ZNF169: variants seen among roughly 807,000 people sequenced by gnomAD.
ZNF169 encodes zinc finger protein 169.
A neutral mutation model predicts 12.0 loss-of-function variants in ZNF169; 11 were observed. The observed-to-expected ratio is 0.92, with a 90% CI of 0.58 to 1.52. ZNF169 has a LOEUF of 1.52. ZNF169 is among the 40% of genes most tolerant of loss of function. The pLI, the probability that ZNF169 is intolerant of heterozygous loss-of-function variation, is 0.00. For synonymous variants in ZNF169, 302 were observed against 286.5 expected, an observed-to-expected ratio of 1.05 and a Z score of -0.55; for missense variants, 722 against 744.0, an observed-to-expected ratio of 0.97 and a Z score of 0.34.
chr9:94,293,034 G>A lies in ZNF169; in HGVS notation c.221G>A (p.Arg74Lys). The change falls in exon 4 of 5, where the codon AGA becomes AAA. Residue 74 changes from arginine (R) to lysine (K), a missense_variant. Physicochemically the swap from Arg to Lys is conservative, Grantham distance 26. Coordinates refer to ENST00000395395, the MANE Select transcript of ZNF169 (RefSeq NM_194320.4). The part of the protein sequence containing the change: ...EQLEQGDEPW[R>K]EENEHLLDLC... ...CTGGAGCAAGGCGACGAACCTTGGA[G>A]AGAGGAGAACGAACATCTTCTGGAC... The A allele has an allele frequency of 6.2e-7, 1 of 1,613,658 alleles. No individual in the cohort carries two copies. Among genetic ancestry groups the A allele is most frequent in the Non-Finnish European group, 8.5e-7 (1 of 1,179,826 alleles).
intron 4 of ZNF169, 88 bp downstream of exon 4, chr9:94,293,157 G>A (rs988568734): frequency 8.1e-7 from 1 of 1,229,502 alleles, no homozygotes; most frequent in Non-Finnish European, 1.2e-6. Context: ...GAGGTGCTAG[G>A]AGGAAGTTCT....
intron 2 of ZNF169, among the ~76,000 whole-genome samples, chr9:94,282,678 C>T (rs991269241): frequency 6.6e-6 from 1 of 152,050 alleles, no homozygotes; most frequent in African/African-American, 2.4e-5. Flanking sequence ...ATTTATTTTC[C>T]TTTCATAACC....
intron 1 of ZNF169, among the ~76,000 whole-genome samples, chr9:94,276,155 T>C (rs914807633): frequency 6.6e-6 from 1 of 152,216 alleles, no homozygotes; most frequent in South Asian, 2.1e-4. Context: ...CTAAACTTAA[T>C]ACAATTTATA....
At chr9:94,260,002 G>T (rs1180991959) in intron 1 of ZNF169, among the ~76,000 whole-genome samples, 1 of 152,024 alleles carries the variant, frequency 6.6e-6, no homozygotes, top group Admixed American at 6.5e-5. Flanking sequence ...CACCCCAGCC[G>T]CCGGGTTCAA....
intron 1 of ZNF169, among the ~76,000 whole-genome samples, chr9:94,266,398 G>C (rs1276704055): frequency 6.6e-6 from 1 of 152,160 alleles, no homozygotes; most frequent in Non-Finnish European, 1.5e-5. Flanking sequence ...CGTTGTTACG[G>C]AGCATCGAAC....
intron 1 of ZNF169, among the ~76,000 whole-genome samples, chr9:94,266,344 T>G (rs1374693157): frequency 6.6e-6 from 1 of 152,186 alleles, no homozygotes; most frequent in Non-Finnish European, 1.5e-5. Context: ...TGTAGGGAGA[T>G]GGGGCATTAT....
intron 1 of ZNF169, among the ~76,000 whole-genome samples, chr9:94,274,646 A>G (rs886682745): frequency 7.2e-5 from 11 of 152,156 alleles, no homozygotes; most frequent in African/African-American, 2.7e-4. Flanking sequence ...AGCGTAACCT[A>G]GTCTACCTTA....
intron 3 of ZNF169, 169 bp downstream of exon 3, chr9:94,292,636 TGTGTGC>T (rs2118643446): frequency 4.8e-6 from 4 of 825,886 alleles, no homozygotes; most frequent in South Asian, 1.8e-5. Context: ...TGTGTGTGTG[TGTGTGC>T]GCGTGCACAT....
intron 2 of ZNF169, among the ~76,000 whole-genome samples, chr9:94,283,188 A>G (rs1204343249): frequency 6.6e-6 from 1 of 152,096 alleles, no homozygotes; most frequent in Admixed American, 6.6e-5. Context: ...AGGCGGGCGG[A>G]TCATGAGGTC....
chr9:94,267,443 C>G (rs754470752), intron 1 of ZNF169, among the ~76,000 whole-genome samples: 12 of 152,172 alleles, frequency 7.9e-5, no homozygotes, highest in Non-Finnish European at 1.8e-4. Flanking sequence ...CAAAAGAAAA[C>G]AGATTCTTAT....
chr9:94,300,667 G>A lies in ZNF169; in HGVS notation c.1109G>A (p.Gly370Glu), dbSNP rs138071298. Residue 370 changes from glycine to glutamate, a missense_variant, in exon 5 of 5, where the codon GGG becomes GAG. Physicochemically the swap from Gly to Glu is moderately conservative, Grantham distance 98 (BLOSUM62 -2). Coordinates refer to ENST00000395395, the MANE Select transcript of ZNF169 (RefSeq NM_194320.4). Reference protein sequence around the residue: ...SLLQHQSSHTGERPFLCLECG... With the variant: ...SLLQHQSSHTEERPFLCLECG... ...CTCCAGCACCAGAGCTCACACACAG[G>A]GGAGAGGCCCTTCCTGTGCCTTGAG... The A allele has an allele frequency of 1.9e-6, 3 of 1,614,042 alleles. No homozygotes were observed. The African/African-American group carries it at 4.0e-5, about 22-fold the overall frequency.
intron 1 of ZNF169, among the ~76,000 whole-genome samples, chr9:94,273,961 A>G (rs1018667928): frequency 2.0e-5 from 3 of 152,144 alleles, no homozygotes; most frequent in Non-Finnish European, 4.4e-5. Context: ...AGTACCACAC[A>G]ATGGGTGGCT....
Position 94,292,960 on chromosome 9 carries a change from T to C in ZNF169, c.161-14T>C, listed in dbSNP as rs1830875734. ...TAACTCAAGATCACCTTGGTTTTTTTTTCCTGTGAGTAGGAATTGCATTTT... is the reference window on the plus strand; with the variant it reads ...TAACTCAAGATCACCTTGGTTTTTTCTTCCTGTGAGTAGGAATTGCATTTT... On this transcript the variant is annotated splice_polypyrimidine_tract_variant and intron_variant, in intron 3 of 4. Transcript: ENST00000395395. 6.2e-7 allele frequency: 1 copy of C among 1,600,614 alleles called. No homozygotes were observed. Among genetic ancestry groups the C allele is most frequent in the East Asian group, 2.2e-5 (1 of 44,682 alleles).
intron 2 of ZNF169, among the ~76,000 whole-genome samples, chr9:94,282,375 T>C (rs909848137): frequency 6.6e-6 from 1 of 152,164 alleles, no homozygotes; most frequent in African/African-American, 2.4e-5. Context: ...TAGGGAGACA[T>C]GCGACGACGT....
chr9:94,273,796 G>C (rs1341523298), intron 1 of ZNF169, among the ~76,000 whole-genome samples: 1 of 151,986 alleles, frequency 6.6e-6, no homozygotes, highest in Non-Finnish European at 1.5e-5. Flanking sequence ...AGCCAGGATG[G>C]TCTCGATCTC....
At chr9:94,296,496 C>T (rs1312524782) in intron 4 of ZNF169, among the ~76,000 whole-genome samples, 1 of 152,118 alleles carries the variant, frequency 6.6e-6, no homozygotes, top group African/African-American at 2.4e-5. Context: ...TTTTTAATTA[C>T]ATTTAGGTCT....
chr9:94,284,487 T>TA (rs1167067131), intron 2 of ZNF169, among the ~76,000 whole-genome samples: 2 of 152,284 alleles, frequency 1.3e-5, no homozygotes, highest in East Asian at 3.9e-4. Flanking sequence ...GCAATTTTTT[T>TA]ATAACAGCAG....
chr9:94,276,538 C>T (rs570776477), intron 1 of ZNF169, among the ~76,000 whole-genome samples: 3 of 152,214 alleles, frequency 2.0e-5, no homozygotes, highest in Admixed American at 1.3e-4. Flanking sequence ...GGATTACAGA[C>T]GTGAGCCACT....
intron 4 of ZNF169, among the ~76,000 whole-genome samples, chr9:94,297,046 CA>C (rs1830967524): frequency 6.6e-6 from 1 of 151,924 alleles, no homozygotes; most frequent in South Asian, 2.1e-4. Flanking sequence ...GACTCCATCT[CA>C]AAATAAAATA....
Sources: gnomAD v4.1 joint callset for allele counts (sites outside exome capture counted in the v4.1 genomes callset) on GRCh38, gnomAD v4.1.1 for gene constraint, MANE v1.5 for transcripts, NCBI Gene and HGNC (gene_info 2026-07-23, HGNC 2026-07-21) for gene names.